The following RBBP8 variants were observed in gnomAD, a reference collection of about 807,000 sequenced individuals.
RBBP8 encodes RB binding protein 8, endonuclease.
RBBP8 carries 88 observed loss-of-function variants against 108.3 expected under a neutral mutation model. The ratio of observed to expected loss-of-function variants is 0.81; its 90% confidence interval spans 0.68 to 0.97. RBBP8 has a LOEUF of 0.97. RBBP8 is among the 50% of genes least tolerant of loss of function. RBBP8 has a pLI of 0.00. For synonymous variants in RBBP8, 332 were observed against 348.2 expected (o/e 0.95, Z 0.52); for missense variants, 1,023 against 1,049.0 (o/e 0.98, Z 0.34).
intron 17 of RBBP8, among the ~76,000 whole-genome samples, chr18:23,017,371 A>G (rs1239977841): frequency 6.9e-6 from 1 of 143,974 alleles, no homozygotes; most frequent in Non-Finnish European, 1.5e-5. Flanking sequence ...AAAAAAAAAA[A>G]TGCCAGGTGC....
At chr18:22,947,034 A>G (rs1269439590) in intron 3 of RBBP8, among the ~76,000 whole-genome samples, 1 of 152,100 alleles carries the variant, frequency 6.6e-6, no homozygotes, top group African/African-American at 2.4e-5. Context: ...TATTTTACTC[A>G]TGATTCTCTA....
intron 16 of RBBP8, among the ~76,000 whole-genome samples, chr18:23,007,513 G>T (rs1567997289): frequency 1.3e-5 from 2 of 151,154 alleles, no homozygotes. Context: ...GACCATCCTG[G>T]ATAACATGGT....
chr18:22,917,104 A>G (rs1909392995), intron 3 of RBBP8: 1 of 152,196 alleles, frequency 6.6e-6, no homozygotes, highest in Admixed American at 6.5e-5. Context: ...GTGATTACAG[A>G]AAGTTGGAGA....
chr18:22,974,909 C>T (rs1431761714), intron 5 of RBBP8, among the ~76,000 whole-genome samples: 1 of 152,150 alleles, frequency 6.6e-6, no homozygotes, highest in African/African-American at 2.4e-5. Context: ...CCTCTTTTGC[C>T]TGCAAGCATT....
At position 23,026,139 on chromosome 18, in the gene RBBP8, T is replaced by C. The variant is rs1568013030; in HGVS notation, c.2597-4T>C. The C allele has an allele frequency of 6.2e-7, 1 of 1,608,358 alleles. No homozygotes were observed. The highest frequency in any genetic ancestry group is 8.5e-7 in the Non-Finnish European group (1 of 1,175,108). The stretch of plus-strand genomic sequence containing the variant: ...GTCTTCTAAGTTTATGATTTGTTTT[T>C]AAGGTTATATTAAGGAAGATCTTGA... On this transcript the variant is annotated splice_polypyrimidine_tract_variant and splice_region_variant and intron_variant, in intron 18 of 18. Coordinates refer to ENST00000327155, the MANE Select transcript of RBBP8 (RefSeq NM_002894.3).
intron 4 of RBBP8, among the ~76,000 whole-genome samples, chr18:22,959,751 T>C (rs906581796): frequency 6.6e-6 from 1 of 152,070 alleles, no homozygotes; most frequent in African/African-American, 2.4e-5. Context: ...TGTGTGTGTG[T>C]GTATACTCTT....
intron 2 of RBBP8, among the ~76,000 whole-genome samples, chr18:22,937,618 A>G (rs1910691631): frequency 6.6e-6 from 1 of 150,704 alleles, no homozygotes. Flanking sequence ...AGTTGGGACC[A>G]TAGGCACACG....
upstream of RBBP8, among the ~76,000 whole-genome samples, chr18:22,932,545 TACTAA>T (rs1910104014): frequency 6.6e-6 from 1 of 152,226 alleles, no homozygotes; most frequent in Non-Finnish European, 1.5e-5. Context: ...GATTTCTAAG[TACTAA>T]ACTTTTAAAG....
chr18:22,926,914 T>C (rs1815832923), intron 3 of RBBP8, among the ~76,000 whole-genome samples: 1 of 152,232 alleles, frequency 6.6e-6, no homozygotes, highest in Non-Finnish European at 1.5e-5. Flanking sequence ...TATACAATTA[T>C]AAAACTTCTC....
chr18:22,995,201 A>C (rs1224768714), intron 12 of RBBP8, among the ~76,000 whole-genome samples: 3 of 151,998 alleles, frequency 2.0e-5, no homozygotes, highest in Admixed American at 2.0e-4. Context: ...TTTAGTCTCT[A>C]TATGAAAACA....
At chr18:22,956,238 T>G (rs2144523515) in intron 4 of RBBP8, among the ~76,000 whole-genome samples, 1 of 152,310 alleles carries the variant, frequency 6.6e-6, no homozygotes, top group African/African-American at 2.4e-5. Context: ...TTATCTAGAG[T>G]AAGCTTTAAA....
At chr18:22,938,726 A>T (rs559876954) in intron 2 of RBBP8, among the ~76,000 whole-genome samples, 60 of 152,248 alleles carry the variant, frequency 3.9e-4, no homozygotes, top group Admixed American at 3.4e-3. Context: ...TCTAAATTTA[A>T]TTTTCTTCTA....
Position 22,982,358 on chromosome 18 carries a change from C to T in RBBP8, c.569C>T (p.Thr190Ile). Reference sequence around the variant, plus strand: ...CCCCATGTCCGATACATAGAACAAACACATACTAAATTGGAGCACTCTGTG... The same window carrying T: ...CCCCATGTCCGATACATAGAACAAATACATACTAAATTGGAGCACTCTGTG... ...ENPHVRYIEQ[T>I]HTKLEHSVCA... Residue 190 changes from threonine to isoleucine, a missense_variant, in exon 7 of 19, where the codon ACA becomes ATA. Thr to Ile is a moderately conservative substitution (Grantham distance 89). Coordinates refer to ENST00000327155, the MANE Select transcript of RBBP8 (RefSeq NM_002894.3). The T allele has an allele frequency of 6.2e-7, 1 of 1,614,098 alleles. No individual in the cohort carries two copies.
chr18:22,963,606 A>G (rs1304610876), intron 4 of RBBP8, among the ~76,000 whole-genome samples: 2 of 152,176 alleles, frequency 1.3e-5, no homozygotes, highest in African/African-American at 4.8e-5. Context: ...TTTACCTGCT[A>G]CGTAGTGGTC....
intron 8 of RBBP8, among the ~76,000 whole-genome samples, chr18:22,986,110 T>A (rs1555641871): frequency 6.6e-6 from 1 of 151,122 alleles, no homozygotes; most frequent in Non-Finnish European, 1.5e-5. Context: ...TTTTTTTTGC[T>A]CCCCCCTGCC....
chr18:22,921,336 G>T (rs1909585048), intron 3 of RBBP8, among the ~76,000 whole-genome samples: 1 of 152,196 alleles, frequency 6.6e-6, no homozygotes, highest in Non-Finnish European at 1.5e-5. Flanking sequence ...AGACACAAGA[G>T]AAGAGCACTT....
chr18:23,006,063 G>A (rs1204769323), intron 15 of RBBP8, among the ~76,000 whole-genome samples: 2 of 151,970 alleles, frequency 1.3e-5, no homozygotes, highest in African/African-American at 2.4e-5. Context: ...GTGGGCGCCT[G>A]TAGTCCCAAC....
At chr18:22,930,562 T>A (rs927359203), upstream of RBBP8, among the ~76,000 whole-genome samples, 1 of 152,210 alleles carries the variant, frequency 6.6e-6, no homozygotes, top group Non-Finnish European at 1.5e-5. Flanking sequence ...AACCTATCTA[T>A]GAGGATGCCC....
At chr18:22,937,246 T>G in intron 2 of RBBP8, 1 of 402,436 alleles carries the variant, frequency 2.5e-6, no homozygotes. Flanking sequence ...GTACCTGTTG[T>G]TCCCCTCTTT....
Sources: allele counts gnomAD v4.1 joint callset (sites outside exome capture counted in the v4.1 genomes callset), GRCh38; gene constraint gnomAD v4.1.1; transcripts MANE v1.5; gene names NCBI Gene and HGNC (gene_info 2026-07-23, HGNC 2026-07-21).